CTNNA3: variants seen among roughly 807,000 people sequenced by gnomAD.
CTNNA3 encodes the protein catenin alpha 3.
CTNNA3 carries 76 observed loss-of-function variants against 95.7 expected under a neutral mutation model. The ratio of observed to expected loss-of-function variants is 0.79; its 90% CI spans 0.66 to 0.96. The LOEUF (loss-of-function observed/expected upper bound fraction) is 0.96, where lower values mean the gene tolerates loss of function less well. Ranked by LOEUF, CTNNA3 falls within the 40% of genes least tolerant of loss-of-function variation. The pLI, the probability that CTNNA3 is intolerant of heterozygous loss-of-function variation, is 0.00. For synonymous variants in CTNNA3, 431 were observed against 374.4 expected (o/e 1.15, Z -1.74); for missense variants, 1,191 against 1,089.8 (o/e 1.09, Z -1.31).
rs60926668 is a variant in CTNNA3 at position 66,818,317 on chromosome 10, T to TAC, written c.1048-42794_1048-42793insGT. Among the ~76,000 whole-genome samples the TAC allele has an allele frequency of 2.6e-5, 4 of 151,828 alleles. No homozygotes were observed. The South Asian group carries it at 6.2e-4, about 24-fold the overall frequency. Reference sequence around the variant, plus strand: ...ACAAGAAAAATAAATAAAAGTAGTCTTTGGAAAATAACTGAAGTTATCTTT... The same window carrying TAC: ...ACAAGAAAAATAAATAAAAGTAGTCTACTTGGAAAATAACTGAAGTTATCTTT... On this transcript the variant is annotated intron_variant, in intron 7 of 17. Coordinates refer to ENST00000433211, the MANE Select transcript of CTNNA3 (RefSeq NM_013266.4).
At chr10:67,470,426 C>G (rs1307472161) in intron 5 of CTNNA3, among the ~76,000 whole-genome samples, 1 of 152,156 alleles carries the variant, frequency 6.6e-6, no homozygotes, top group Non-Finnish European at 1.5e-5. Flanking sequence ...ACAGATATCT[C>G]TTCAACATAC....
intron 14 of CTNNA3, among the ~76,000 whole-genome samples, chr10:66,080,128 A>C (rs1376093302): frequency 6.6e-6 from 1 of 152,078 alleles, no homozygotes; most frequent in Non-Finnish European, 1.5e-5. Flanking sequence ...CTTCTCATAC[A>C]TTCTTTGAGA....
chr10:66,234,937 C>G (rs2089777005), intron 13 of CTNNA3, among the ~76,000 whole-genome samples: 1 of 152,170 alleles, frequency 6.6e-6, no homozygotes, highest in Non-Finnish European at 1.5e-5. Context: ...TATGCTGTGT[C>G]CTGTTCTTTG....
At chr10:67,296,990 CA>C (rs1840066264) in intron 5 of CTNNA3, among the ~76,000 whole-genome samples, 1 of 138,836 alleles carries the variant, frequency 7.2e-6, no homozygotes, top group African/African-American at 2.7e-5. Context: ...CTGATCCTAG[CA>C]AATTAAATAG....
chr10:65,986,270 C>G (rs1274428378), intron 16 of CTNNA3, among the ~76,000 whole-genome samples: 1 of 140,392 alleles, frequency 7.1e-6, no homozygotes, highest in African/African-American at 2.6e-5. Flanking sequence ...CATGTGCTCA[C>G]AAAAATGAAA....
chr10:66,746,050 T>C (rs558445698), intron 9 of CTNNA3, among the ~76,000 whole-genome samples: 1 of 152,200 alleles, frequency 6.6e-6, no homozygotes, highest in Non-Finnish European at 1.5e-5. Flanking sequence ...CAACTAACTA[T>C]ATGCCATCGG....
chr10:67,109,242 T>C (rs10997514), intron 7 of CTNNA3, among the ~76,000 whole-genome samples: 52,989 of 152,072 alleles, frequency 0.35, 9,611 homozygotes, highest in Middle Eastern at 0.53. Flanking sequence ...TACTATAAAA[T>C]ATTTCATTTA....
rs536363976 is a variant in CTNNA3, at chr10:66,856,979, C to T, written c.1048-81455G>A. On this transcript the variant is annotated intron_variant, in intron 7 of 17. Coordinates refer to ENST00000433211, the MANE Select transcript of CTNNA3 (RefSeq NM_013266.4). ...GCATTTTTGTCATGAAAATTTTTGC[C>T]AGGGACTATGTTCAGAATGGCATTT... Among the ~76,000 whole-genome samples the T allele has an allele frequency of 6.6e-5, 10 of 151,942 alleles. No individual in the cohort carries two copies. In the South Asian group the frequency reaches 1.9e-3, roughly 28 times the overall value.
At chr10:67,149,842 T>C (rs10762142) in intron 7 of CTNNA3, among the ~76,000 whole-genome samples, 97,800 of 152,140 alleles carry the variant, frequency 0.64, 32,502 homozygotes, top group African/African-American at 0.82. Context: ...TTGAGTGTAA[T>C]ACACTATCAA....
chr10:67,256,475 C>T (rs1054552102), intron 5 of CTNNA3, among the ~76,000 whole-genome samples: 14 of 152,132 alleles, frequency 9.2e-5, no homozygotes, highest in Non-Finnish European at 1.3e-4. Flanking sequence ...AACCACATCG[C>T]TTCAGCTCCT....
chr10:67,359,625 A>C (rs1444446798), intron 5 of CTNNA3, among the ~76,000 whole-genome samples: 1 of 152,204 alleles, frequency 6.6e-6, no homozygotes, highest in African/African-American at 2.4e-5. Flanking sequence ...CAACCTGAGG[A>C]AAGAATTTCA....
intron 15 of CTNNA3, among the ~76,000 whole-genome samples, chr10:66,021,860 T>TTTTTTTTTTTTTTTTTTTTTTTTC (rs2079222848): frequency 7.4e-6 from 1 of 135,834 alleles, no homozygotes; most frequent in East Asian, 2.4e-4. Context: ...GGCTTTTTTT[T>TTTTTTTTTTTTTTTTTTTTTTTTC]TTTTTTTTAG....
chr10:67,455,225 C>T (rs1847127744), intron 5 of CTNNA3, among the ~76,000 whole-genome samples: 1 of 151,910 alleles, frequency 6.6e-6, no homozygotes, highest in African/African-American at 2.4e-5. Context: ...ATCTTAGATA[C>T]AATAAAATAG....
intron 1 of CTNNA3, among the ~76,000 whole-genome samples, chr10:67,738,989 G>A (rs1306066898): frequency 6.6e-6 from 1 of 152,192 alleles, no homozygotes; most frequent in Non-Finnish European, 1.5e-5. Flanking sequence ...AAGTGACGGG[G>A]AGACTGGAAC....
At chr10:66,030,507 A>G in intron 15 of CTNNA3, among the ~76,000 whole-genome samples, 1 of 152,156 alleles carries the variant, frequency 6.6e-6, no homozygotes. Context: ...CTATCCGTAT[A>G]CAGAAGAATG....
intron 10 of CTNNA3, among the ~76,000 whole-genome samples, chr10:66,522,819 T>A (rs77987337): frequency 0.026 from 3,998 of 151,956 alleles, 185 homozygotes; most frequent in African/African-American, 0.091. Flanking sequence ...AAATGTTGAA[T>A]TCTATGCATA....
intron 9 of CTNNA3, among the ~76,000 whole-genome samples, chr10:66,630,019 T>C (rs1356957966): frequency 2.0e-5 from 3 of 152,172 alleles, no homozygotes; most frequent in Non-Finnish European, 4.4e-5. Context: ...ATATGTTCAC[T>C]GGGAAGATTA....
intron 7 of CTNNA3, among the ~76,000 whole-genome samples, chr10:67,074,034 CTTTTTTTT>C (rs35411851): frequency 9.1e-6 from 1 of 109,436 alleles, no homozygotes. Context: ...CATTTTAACT[CTTTTTTTT>C]TTTTTTTTTT....
At chr10:66,136,924 C>A (rs2083386612) in intron 13 of CTNNA3, among the ~76,000 whole-genome samples, 1 of 152,040 alleles carries the variant, frequency 6.6e-6, no homozygotes, top group Non-Finnish European at 1.5e-5. Context: ...TGGGTTCAAG[C>A]AATTCTCCTG....
Sources: gnomAD v4.1 joint callset for allele counts (sites outside exome capture counted in the v4.1 genomes callset) on GRCh38, gnomAD v4.1.1 for gene constraint, MANE v1.5 for transcripts, NCBI Gene and HGNC (gene_info 2026-07-23, HGNC 2026-07-21) for gene names.